Variants in ZNF236 observed in about 807,000 individuals in gnomAD.
ZNF236 encodes regulated by glucose.
A neutral mutation model predicts 191.2 loss-of-function variants in ZNF236; 50 were observed. The ratio of observed to expected loss-of-function variants is 0.26; its 90% CI spans 0.21 to 0.33. ZNF236 has a LOEUF of 0.33. Ranked by LOEUF, ZNF236 falls within the 10% of genes least tolerant of loss-of-function variation. The probability of loss-of-function intolerance (pLI) is 1.00; values close to 1 mark genes in which losing one functional copy is unlikely to be tolerated. For synonymous variants in ZNF236, 907 were observed against 928.8 expected, an observed-to-expected ratio of 0.98 and a Z score of 0.43; for missense variants, 1,754 against 2,374.5, an observed-to-expected ratio of 0.74 and a Z score of 5.43.
intron 22 of ZNF236, among the ~76,000 whole-genome samples, chr18:76,926,285 AG>A (rs1180450316): frequency 2.6e-5 from 4 of 152,016 alleles, no homozygotes; most frequent in Non-Finnish European, 5.9e-5. Flanking sequence ...AGTAAAAAGT[AG>A]GTTTCTGAGG....
At position 76,972,395 on chromosome 18, in the gene ZNF236, C is replaced by G. The variant is rs1450911454; in HGVS notation, c.*4056C>G. Among the ~76,000 whole-genome samples, 5 of 152,160 alleles carry G rather than the reference C, an allele frequency of 3.3e-5. No individual in the cohort carries two copies. The highest frequency in any genetic ancestry group is 7.3e-5 in the Non-Finnish European group (5 of 68,032). On this transcript the variant is annotated 3_prime_UTR_variant, in exon 31 of 31. Coordinates refer to ENST00000320610, the MANE Select transcript of ZNF236 (RefSeq NM_001306089.2). ...GAACGGATTCCCCTCCTCAGACCCC[C>G]ATGCACGGATGAGCACATAGCTCAC... is the stretch of plus-strand genomic sequence containing the variant.
In ZNF236 at chr18:76,875,592, C is replaced by G; in HGVS notation, c.768C>G (p.Ala256=). The G allele has an allele frequency of 1.2e-6, 2 of 1,606,994 alleles. No individual in the cohort carries two copies. Among genetic ancestry groups the G allele is most frequent in the Non-Finnish European group, 1.7e-6 (2 of 1,176,528 alleles). ...AGCACACAGGTGAAAAACCCCATGC[C>G]TGTGCCTTCTGTCCTGCCGCCTTCT... ...MIKHTGEKPH[A]CAFCPAAFSQ... Residue 256 remains alanine, a synonymous_variant, in exon 6 of 31, where the codon GCC becomes GCG. Coordinates refer to ENST00000320610, the MANE Select transcript of ZNF236 (RefSeq NM_001306089.2). The surrounding 1 kb of genome is among the most constrained non-coding windows in gnomAD (Gnocchi z 4.3).
In ZNF236 at chr18:76,868,796, G is replaced by T; in HGVS notation, c.475G>T (p.Ala159Ser). The T allele has an allele frequency of 6.2e-7, 1 of 1,613,848 alleles. No homozygotes were observed. The change falls in exon 4 of 31, where the codon GCC becomes TCC. Residue 159 changes from alanine to serine, a missense_variant. Physicochemically the swap from Ala to Ser is moderately conservative, Grantham distance 99. Transcript: ENST00000320610. ...TGGAACCCGGCAGCATGCCTGCAAG[G>T]CCTGCAAGAAAGAGTTCGAGACCTC... The part of the protein sequence containing the change: ...LAGTRQHACK[A>S]CKKEFETSSE...
At chr18:76,937,448 C>A in intron 26 of ZNF236, 105 bp downstream of exon 26, 1 of 1,124,648 alleles carries the variant, frequency 8.9e-7, no homozygotes, top group Non-Finnish European at 1.2e-6. Context: ...CATTTTTTTT[C>A]CCCAAAATCG....
intron 20 of ZNF236, among the ~76,000 whole-genome samples, chr18:76,922,287 A>G (rs1201699766): frequency 6.6e-6 from 1 of 152,110 alleles, no homozygotes; most frequent in Non-Finnish European, 1.5e-5. Flanking sequence ...AGTCTGGCAA[A>G]GGCCACCAGA....
intron 9 of ZNF236, among the ~76,000 whole-genome samples, chr18:76,894,539 A>G (rs918494818): frequency 1.3e-5 from 2 of 152,210 alleles, no homozygotes; most frequent in African/African-American, 2.4e-5. Context: ...ATTGATATAT[A>G]CTATTTGTCT....
At position 76,902,546 on chromosome 18, in the gene ZNF236, G is replaced by A. The variant is rs552942435; in HGVS notation, c.1895-1834G>A. On this transcript the variant is annotated intron_variant, in intron 11 of 30. Coordinates refer to ENST00000320610, the MANE Select transcript of ZNF236 (RefSeq NM_001306089.2). ...CATGTGTAGGGAAGGTGGTAGGCAC[G>A]GACTGGATGCCTGCATTTTTCTTTC... 9.2e-5 allele frequency among the ~76,000 whole-genome samples: 14 copies of A among 151,604 alleles called. No individual in the cohort carries two copies. In the South Asian group the frequency reaches 2.9e-3, roughly 32 times the overall value.
At chr18:76,953,956 C>T (rs1968467683) in intron 27 of ZNF236, among the ~76,000 whole-genome samples, 1 of 152,188 alleles carries the variant, frequency 6.6e-6, no homozygotes, top group South Asian at 2.1e-4. Flanking sequence ...CTCCCACCCC[C>T]ATGCAGAATA....
chr18:76,845,929 A>G (rs1669995826), intron 1 of ZNF236, among the ~76,000 whole-genome samples: 1 of 151,894 alleles, frequency 6.6e-6, no homozygotes, highest in African/African-American at 2.4e-5. Flanking sequence ...TGTTTCTTTG[A>G]TCACTGGTCC....
At position 76,927,250 on chromosome 18, in the gene ZNF236, A is replaced by G. The variant is rs199916397; in HGVS notation, c.4174-27A>G. The G allele has an allele frequency of 2.6e-3, 4,196 of 1,612,564 alleles. 20 individuals are homozygous for G. Among genetic ancestry groups the G allele is most frequent in the Non-Finnish European group, 2.9e-3 (3,402 of 1,178,630 alleles). On this transcript the variant is annotated intron_variant, in intron 23 of 30. Coordinates refer to ENST00000320610, the MANE Select transcript of ZNF236 (RefSeq NM_001306089.2). The surrounding 1 kb of genome is among the most constrained non-coding windows in gnomAD (Gnocchi z 5.4). The stretch of plus-strand genomic sequence containing the variant: ...CATCACAGAGAAGCATGAAGTTTTC[A>G]TTACAAGTACCTGTGCTGCTTTTCA...
At chr18:76,866,637 C>G (rs970263539) in intron 3 of ZNF236, among the ~76,000 whole-genome samples, 2 of 152,178 alleles carry the variant, frequency 1.3e-5, no homozygotes. Flanking sequence ...TTGATGATTT[C>G]CCATGGCCAC....
intron 2 of ZNF236, among the ~76,000 whole-genome samples, chr18:76,851,544 A>G (rs1244057311): frequency 6.6e-6 from 1 of 152,240 alleles, no homozygotes; most frequent in African/African-American, 2.4e-5. Flanking sequence ...TCTTATTAGA[A>G]ATATTTCTTT....
At chr18:76,835,671 T>G (rs1975303255) in intron 1 of ZNF236, among the ~76,000 whole-genome samples, 1 of 152,236 alleles carries the variant, frequency 6.6e-6, no homozygotes, top group African/African-American at 2.4e-5. Flanking sequence ...TGTCTTTCTA[T>G]CCTTATATGT....
At chr18:76,870,392 T>A (rs1420347441) in intron 4 of ZNF236, among the ~76,000 whole-genome samples, 1 of 152,200 alleles carries the variant, frequency 6.6e-6, no homozygotes, top group East Asian at 1.9e-4. Context: ...AATGCAGGCA[T>A]TTTTGATGTT....
At chr18:76,959,966 G>A in intron 29 of ZNF236, 150 bp downstream of exon 29, 2 of 1,025,024 alleles carry the variant, frequency 2.0e-6, no homozygotes, top group African/African-American at 1.6e-5. Flanking sequence ...CCTGAGTTTT[G>A]ACCTATTTAT....
chr18:76,920,776 C>T (rs989229255), intron 20 of ZNF236, among the ~76,000 whole-genome samples: 6 of 152,096 alleles, frequency 3.9e-5, no homozygotes, highest in African/African-American at 1.2e-4. Context: ...AATTGGCAAT[C>T]GGCCAAACAG....
In ZNF236 at chr18:76,928,012, C is replaced by T. The variant is rs1217388203; in HGVS notation, c.4500C>T (p.Asn1500=). 1 of 1,613,894 alleles carries T rather than the reference C, an allele frequency of 6.2e-7. No homozygotes were observed. Among genetic ancestry groups the T allele is most frequent in the Non-Finnish European group, 8.5e-7 (1 of 1,179,962 alleles). The part of the protein sequence containing the change: ...GGPHEITLTI[N]NSSLSQVLAQ... ...CCCACGAGATCACCCTGACCATTAACAACTCCAGCCTGAGCCAGGTCCTGG... is the reference window on the plus strand; with the variant it reads ...CCCACGAGATCACCCTGACCATTAATAACTCCAGCCTGAGCCAGGTCCTGG... The change falls in exon 25 of 31, where the codon AAC becomes AAT. Residue 1500 remains asparagine, a synonymous_variant. Transcript: ENST00000320610.
At chr18:76,851,339 C>T (rs1009392124) in intron 2 of ZNF236, among the ~76,000 whole-genome samples, 1 of 148,022 alleles carries the variant, frequency 6.8e-6, no homozygotes, top group African/African-American at 2.5e-5. Flanking sequence ...AATCTTGGCT[C>T]ATTGCAACTT....
At chr18:76,950,342 A>G (rs1045615025) in intron 27 of ZNF236, among the ~76,000 whole-genome samples, 5 of 152,234 alleles carry the variant, frequency 3.3e-5, no homozygotes, top group African/African-American at 9.6e-5. Context: ...AATTTCAACA[A>G]TGTTCACCGC....
Sources: allele counts gnomAD v4.1 joint callset (sites outside exome capture counted in the v4.1 genomes callset), GRCh38; gene constraint gnomAD v4.1.1; non-coding constraint Gnocchi (gnomAD v3.1); transcripts MANE v1.5; gene names NCBI Gene and HGNC (gene_info 2026-07-23, HGNC 2026-07-21).